ROBO1: variants seen among roughly 807,000 people sequenced by gnomAD.
ROBO1 encodes the protein roundabout homolog 1.
Under a neutral mutation model 195.9 loss-of-function variants are expected in ROBO1, and 149 were observed. That is an observed-to-expected ratio of 0.76 (90% confidence interval 0.67 to 0.87). The LOEUF (loss-of-function observed/expected upper bound fraction) is 0.87. Ranked by LOEUF, ROBO1 falls within the 40% of genes least tolerant of loss-of-function variation. ROBO1 has a pLI of 0.00. For missense variants in ROBO1, 1,933 were observed against 2,068.3 expected (o/e 0.93, Z 1.27); for synonymous variants, 816 against 733.2 (o/e 1.11, Z -1.82).
chr3:79,610,809 G>C (rs1381166787), intron 1 of ROBO1, among the ~76,000 whole-genome samples: 4 of 152,052 alleles, frequency 2.6e-5, no homozygotes, highest in African/African-American at 9.7e-5. Context: ...CCAAAGCAGT[G>C]TTAAATGATT....
Position 79,287,951 on chromosome 3 carries a change from C to G in ROBO1, c.89-162412G>C, listed in dbSNP as rs547009298. On this transcript the variant is annotated intron_variant, in intron 2 of 30. Coordinates refer to ENST00000464233, the MANE Select transcript of ROBO1 (RefSeq NM_002941.4). ...GAATTCAGATGGACATAAATGAGAA[C>G]ACCCTAACCATTCAAAATGAAACAA... is the stretch of plus-strand genomic sequence containing the variant. Among the ~76,000 whole-genome samples the G allele has an allele frequency of 3.9e-5, 6 of 152,038 alleles. No homozygotes were observed. In the South Asian group the frequency reaches 1.2e-3, roughly 32 times the overall value.
intron 26 of ROBO1, among the ~76,000 whole-genome samples, chr3:78,623,476 T>C (rs1432576266): frequency 2.0e-5 from 3 of 152,114 alleles, no homozygotes; most frequent in Admixed American, 2.0e-4. Context: ...GTAAGGATGG[T>C]AGGGCACACA....
At chr3:79,212,557 A>T (rs578063318) in intron 2 of ROBO1, among the ~76,000 whole-genome samples, 1 of 152,214 alleles carries the variant, frequency 6.6e-6, no homozygotes, top group Admixed American at 6.5e-5. Flanking sequence ...CGTGGTGGCT[A>T]CACCTACAAT....
intron 5 of ROBO1, among the ~76,000 whole-genome samples, chr3:78,722,854 T>A (rs2082075682): frequency 6.6e-6 from 1 of 152,104 alleles, no homozygotes; most frequent in Non-Finnish European, 1.5e-5. Context: ...AAAATGGGAA[T>A]CCTATTAATA....
intron 3 of ROBO1, among the ~76,000 whole-genome samples, chr3:78,970,004 T>A (rs551920094): frequency 6.6e-6 from 1 of 152,232 alleles, no homozygotes; most frequent in African/African-American, 2.4e-5. Context: ...TTTGGATACA[T>A]AGGGGAAAGA....
At chr3:79,143,805 C>G (rs1476269623) in intron 2 of ROBO1, among the ~76,000 whole-genome samples, 2 of 151,934 alleles carry the variant, frequency 1.3e-5, no homozygotes, top group Non-Finnish European at 2.9e-5. Flanking sequence ...GTCTTGCCAC[C>G]ATTAAATGGG....
In ROBO1 at chr3:79,232,312, GATA is replaced by G. The variant is rs1353619695; in HGVS notation, c.89-106776_89-106774del. On this transcript the variant is annotated intron_variant, in intron 2 of 30. Coordinates refer to ENST00000464233, the MANE Select transcript of ROBO1 (RefSeq NM_002941.4). ...CATCTAAAGAGGTAACAAAAAAGAAGATAATGTTTAAGTATCTCCTAGTGTGCA... is the reference window on the plus strand; with the variant it reads ...CATCTAAAGAGGTAACAAAAAAGAAGATGTTTAAGTATCTCCTAGTGTGCA... 2.0e-5 allele frequency among the ~76,000 whole-genome samples: 3 copies of G among 148,184 alleles called. No individual in the cohort carries two copies. In the East Asian group the frequency reaches 6.0e-4, roughly 29 times the overall value.
chr3:79,425,126 TC>T, intron 2 of ROBO1, among the ~76,000 whole-genome samples: 1 of 152,180 alleles, frequency 6.6e-6, no homozygotes, highest in African/African-American at 2.4e-5. Context: ...TTCTCCATCT[TC>T]AATAAATGCA....
At chr3:78,678,136 GAC>G (rs1339978948) in intron 10 of ROBO1, among the ~76,000 whole-genome samples, 49 of 152,168 alleles carry the variant, frequency 3.2e-4, no homozygotes, top group African/African-American at 1.0e-3. Flanking sequence ...TGAGAACAAA[GAC>G]ACAACATACC....
At chr3:79,006,484 C>CTA (rs1353533146) in intron 3 of ROBO1, among the ~76,000 whole-genome samples, 1 of 152,068 alleles carries the variant, frequency 6.6e-6, no homozygotes, top group Non-Finnish European at 1.5e-5. Flanking sequence ...AAAATGATGA[C>CTA]TATATATCAT....
intron 3 of ROBO1, among the ~76,000 whole-genome samples, chr3:78,993,029 A>G (rs1559567805): frequency 6.6e-6 from 1 of 152,130 alleles, no homozygotes; most frequent in Non-Finnish European, 1.5e-5. Context: ...ATTTCACAAC[A>G]CTGAGCCAGA....
chr3:79,149,475 C>T (rs1413440886), intron 2 of ROBO1, among the ~76,000 whole-genome samples: 1 of 151,702 alleles, frequency 6.6e-6, no homozygotes, highest in Non-Finnish European at 1.5e-5. Flanking sequence ...CAATATCTGT[C>T]TCTGGTTCTG....
At chr3:79,155,628 C>T (rs538007683) in intron 2 of ROBO1, among the ~76,000 whole-genome samples, 2 of 151,838 alleles carry the variant, frequency 1.3e-5, no homozygotes, top group East Asian at 3.9e-4. Context: ...CTGTGCCTCA[C>T]ATTTCCCGTG....
intron 1 of ROBO1, among the ~76,000 whole-genome samples, chr3:79,630,916 A>G (rs1463429219): frequency 6.6e-6 from 1 of 151,918 alleles, no homozygotes; most frequent in African/African-American, 2.4e-5. Context: ...TATATTCAAC[A>G]ACCCAGATGA....
At chr3:78,613,570 T>A (rs1271420093) in intron 28 of ROBO1, among the ~76,000 whole-genome samples, 1 of 152,218 alleles carries the variant, frequency 6.6e-6, no homozygotes, top group African/African-American at 2.4e-5. Flanking sequence ...GTATTTAATG[T>A]AGTCTAATAT....
intron 8 of ROBO1, among the ~76,000 whole-genome samples, chr3:78,703,684 T>A (rs1030465371): frequency 2.6e-5 from 4 of 152,020 alleles, no homozygotes; most frequent in Admixed American, 2.6e-4. Context: ...TGAATAAGAC[T>A]CTTGAGATTA....
At chr3:78,717,491 G>C in intron 6 of ROBO1, 78 bp from the exon 7 acceptor site, 1 of 1,274,394 alleles carries the variant, frequency 7.8e-7, no homozygotes, top group Admixed American at 1.9e-5. Context: ...TTCAGTAAGA[G>C]CATATTTTTA....
chr3:79,653,242 G>T (rs1192955704), intron 1 of ROBO1, among the ~76,000 whole-genome samples: 2 of 151,498 alleles, frequency 1.3e-5, no homozygotes, highest in Non-Finnish European at 3.0e-5. Flanking sequence ...AAAAATAAAT[G>T]AGAAATTCAT....
intron 8 of ROBO1, among the ~76,000 whole-genome samples, chr3:78,702,165 T>A (rs545152765): frequency 6.6e-6 from 1 of 152,188 alleles, no homozygotes. Context: ...GACCCTGATG[T>A]TTGGTATTTG....
Sources: gnomAD v4.1 joint callset for allele counts (sites outside exome capture counted in the v4.1 genomes callset) on GRCh38, gnomAD v4.1.1 for gene constraint, MANE v1.5 for transcripts, NCBI Gene and HGNC (gene_info 2026-07-23, HGNC 2026-07-21) for gene names.